GRIP2: variants seen among roughly 807,000 people sequenced by gnomAD.
GRIP2 encodes the protein glutamate receptor-interacting protein 2.
GRIP2 carries 58 observed loss-of-function variants against 108.3 expected under a neutral mutation model. The ratio of observed to expected loss-of-function variants is 0.54; its 90% CI spans 0.43 to 0.67. The LOEUF (loss-of-function observed/expected upper bound fraction) is 0.67, where lower values mean the gene tolerates loss of function less well. GRIP2 is among the 30% of genes least tolerant of loss of function. GRIP2 has a pLI of 0.00. For synonymous variants in GRIP2, 586 were observed against 598.2 expected (o/e 0.98, Z 0.30); for missense variants, 1,278 against 1,430.6 (o/e 0.89, Z 1.72).
In GRIP2 at chr3:14,506,966, G is replaced by T; in HGVS notation, c.2233C>A (p.Arg745Ser). Reference protein sequence around the residue: ...KKQLDRPLLPRKSGSLSETSD... With the variant: ...KKQLDRPLLPSKSGSLSETSD... ...GTCTCACTGAGGCTGCCCGACTTGC[G>T]GGGTAGGAGGGGACCTGGGAGGAGA... is the stretch of plus-strand genomic sequence containing the variant. Residue 745 changes from arginine (R) to serine (S), a missense_variant, in exon 19 of 24, where the codon CGC becomes AGC. Transcript: ENST00000621039. 6.2e-7 allele frequency: 1 copy of T among 1,603,264 alleles called. No homozygotes were observed. The highest frequency in any genetic ancestry group is 2.3e-5 in the East Asian group (1 of 44,438).
intron 4 of GRIP2, 42 bp downstream of exon 4, chr3:14,524,351 A>G (rs1007670992): frequency 3.1e-6 from 5 of 1,589,670 alleles, no homozygotes; most frequent in Non-Finnish European, 3.4e-6. Flanking sequence ...GTCCACCCGC[A>G]ACCGAGGCAG....
At chr3:14,559,284 A>G (rs778887091), upstream of GRIP2, among the ~76,000 whole-genome samples, 2 of 152,198 alleles carry the variant, frequency 1.3e-5, no homozygotes, top group Non-Finnish European at 2.9e-5. Flanking sequence ...TTGGTCTTGC[A>G]GAGTTCCAAG....
chr3:14,583,676 C>T, the GRIP2 span, among the ~76,000 whole-genome samples: 2 of 152,214 alleles, frequency 1.3e-5, no homozygotes, highest in African/African-American at 2.4e-5. Context: ...TGCCAGACTC[C>T]ACATGCTCAC....
intron 1 of GRIP2, among the ~76,000 whole-genome samples, chr3:14,527,367 T>TAAG (rs1694585425): frequency 7.4e-6 from 1 of 135,784 alleles, no homozygotes. Flanking sequence ...TCTAATTACT[T>TAAG]GAAAGGAAAG....
In GRIP2 at chr3:14,492,562, C is replaced by A. The variant is rs1210728996; in HGVS notation, c.*1103G>T. ...GAATAAGCACTTTGGACACCCTCCA[C>A]TGGGCAAGAGTGTCCCATCTTTTTC... On this transcript the variant is annotated 3_prime_UTR_variant, in exon 24 of 24. Coordinates refer to ENST00000621039, the MANE Select transcript of GRIP2 (RefSeq NM_001080423.4). The A allele has an allele frequency of 6.6e-6, 1 of 152,290 alleles. No homozygotes were observed. The highest frequency in any genetic ancestry group is 2.4e-5 in the African/African-American group (1 of 41,474). The allele number at this position is 152,290 out of a possible 1,614,324, so 9.4% of individuals were successfully genotyped here.
At chr3:14,600,617 T>A in the GRIP2 span, among the ~76,000 whole-genome samples, 1 of 152,160 alleles carries the variant, frequency 6.6e-6, no homozygotes, top group Admixed American at 6.5e-5. Context: ...CCTGCATCTA[T>A]CCCTGTCACT....
the GRIP2 span, among the ~76,000 whole-genome samples, chr3:14,567,125 GCATT>G: frequency 6.6e-6 from 1 of 152,160 alleles, no homozygotes; most frequent in Non-Finnish European, 1.5e-5. Context: ...GCCAGCTGGA[GCATT>G]CAATGATTCC....
chr3:14,544,025 C>T (rs534085639), upstream of GRIP2, among the ~76,000 whole-genome samples: 166 of 152,320 alleles, frequency 1.1e-3, 1 homozygote, highest in African/African-American at 3.8e-3. Flanking sequence ...CTCAAACTAA[C>T]GCCGTCAAAT....
In GRIP2 at chr3:14,507,456, G is replaced by A; in HGVS notation, c.2218+105C>T. 7.2e-7 allele frequency: 1 copy of A among 1,394,972 alleles called. No individual in the cohort carries two copies. Among genetic ancestry groups the A allele is most frequent in the African/African-American group, 1.4e-5 (1 of 70,702 alleles). The allele number at this position is 1,394,972 out of a possible 1,614,324, so 86.4% of individuals were successfully genotyped here. A position where few individuals can be genotyped will look rare whatever the true frequency, so the allele number is the denominator to read the frequency against. On this transcript the variant is annotated intron_variant, in intron 18 of 23. Transcript: ENST00000621039. The surrounding 1 kb of genome is among the most constrained non-coding windows in gnomAD (Gnocchi z 4.6). ...TGCCATCGCAGGCCCGCCTCCACAG[G>A]GCTGCAGTGAGGACTCTGTGAGGGT...
intron 1 of GRIP2, among the ~76,000 whole-genome samples, chr3:14,549,075 T>A (rs1404330562): frequency 6.6e-6 from 1 of 152,240 alleles, no homozygotes; most frequent in Non-Finnish European, 1.5e-5. Context: ...ACTGTCTTGC[T>A]CACTGATTTC....
At chr3:14,551,626 A>G (rs887542168) in intron 1 of GRIP2, among the ~76,000 whole-genome samples, 4 of 152,190 alleles carry the variant, frequency 2.6e-5, no homozygotes, top group African/African-American at 9.7e-5. Flanking sequence ...GGAGAAGCAC[A>G]GAGAAGGCAG....
Position 14,514,327 on chromosome 3 carries a change from G to A in GRIP2, c.1458C>T (p.Leu486=), listed in dbSNP as rs762030891. The stretch of plus-strand genomic sequence containing the variant: ...GACTGTCAGGCTCGATGAAGCACAC[G>A]AGGGGTGGGGAGGACAGGGTCTCGG... ...FATETLSSPP[L]VCFIEPDSPA... is the part of the protein sequence containing the mutation. Residue 486 remains leucine (L), a synonymous_variant, in exon 12 of 24, where the codon CTC becomes CTT. Transcript: ENST00000621039. 24 of 1,576,416 alleles carry A rather than the reference G, an allele frequency of 1.5e-5. No individual in the cohort carries two copies. Among genetic ancestry groups the A allele is most frequent in the African/African-American group, 4.0e-5 (3 of 74,130 alleles).
chr3:14,510,386 T>G (rs905702455), intron 16 of GRIP2, among the ~76,000 whole-genome samples: 1 of 149,356 alleles, frequency 6.7e-6, no homozygotes, highest in Admixed American at 6.8e-5. Context: ...CACCTCAGCC[T>G]CCCAAGTATC....
chr3:14,532,248 G>A (rs1216939202), intron 1 of GRIP2, among the ~76,000 whole-genome samples: 1 of 152,204 alleles, frequency 6.6e-6, no homozygotes, highest in Non-Finnish European at 1.5e-5. Flanking sequence ...GGTGGCAGAG[G>A]CCACTTTCCC....
intron 20 of GRIP2, among the ~76,000 whole-genome samples, chr3:14,504,994 G>A (rs964982691): frequency 1.3e-5 from 2 of 152,190 alleles, no homozygotes; most frequent in East Asian, 3.9e-4. Flanking sequence ...CAGGAGGGAG[G>A]GAGGAATCCC....
At chr3:14,572,970 G>T in the GRIP2 span, 1 of 1,478,962 alleles carries the variant, frequency 6.8e-7, no homozygotes, top group Non-Finnish European at 9.4e-7. Flanking sequence ...CACCAGGCCA[G>T]CCAGGAGGCC....
chr3:14,577,701 C>T, the GRIP2 span, among the ~76,000 whole-genome samples: 1 of 152,202 alleles, frequency 6.6e-6, no homozygotes, highest in Non-Finnish European at 1.5e-5. Context: ...CAGATAACAC[C>T]CCAGGCCCAA....
chr3:14,557,365 G>T (rs1695254523), upstream of GRIP2, among the ~76,000 whole-genome samples: 1 of 152,174 alleles, frequency 6.6e-6, no homozygotes, highest in African/African-American at 2.4e-5. Flanking sequence ...CCTGAAACTT[G>T]CAGACAAATA....
chr3:14,506,704 G>C, intron 19 of GRIP2, 97 bp downstream of exon 19: 9 of 1,187,524 alleles, frequency 7.6e-6, no homozygotes, highest in Non-Finnish European at 9.1e-6. Context: ...AGGAGCGCAG[G>C]AGGGAGGAAC....
Sources: allele counts gnomAD v4.1 joint callset (sites outside exome capture counted in the v4.1 genomes callset), GRCh38; gene constraint gnomAD v4.1.1; non-coding constraint Gnocchi (gnomAD v3.1); transcripts MANE v1.5; gene names NCBI Gene and HGNC (gene_info 2026-07-23, HGNC 2026-07-21).